The following COL4A6 variants were observed in gnomAD, a reference collection of about 807,000 sequenced individuals.
COL4A6 encodes collagen alpha-6(IV) chain.
Under a neutral mutation model 126.7 loss-of-function variants are expected in COL4A6, and 59 were observed. The observed-to-expected ratio is 0.47, with a 90% CI of 0.38 to 0.58. COL4A6 has a LOEUF of 0.58. Ranked by LOEUF, COL4A6 falls within the 20% of genes least tolerant of loss-of-function variation. The probability of loss-of-function intolerance (pLI) is 0.00; values close to 1 mark genes in which losing one functional copy is unlikely to be tolerated. For missense variants in COL4A6, 1,285 were observed against 1,337.3 expected, an observed-to-expected ratio of 0.96 and a Z score of 0.61; for synonymous variants, 547 against 496.6, an observed-to-expected ratio of 1.10 and a Z score of -1.35.
At chrX:108,370,853 C>G (rs1451116230) in intron 2 of COL4A6, among the ~76,000 whole-genome samples, 2 of 111,298 alleles carry the variant, frequency 1.8e-5, no homozygotes, top group Non-Finnish European at 1.9e-5. Flanking sequence ...TACATAATCA[C>G]CTGCAGACAC....
chrX:108,178,222 C>T (rs1407025080), intron 27 of COL4A6, among the ~76,000 whole-genome samples: 1 of 112,419 alleles, frequency 8.9e-6, no homozygotes. Flanking sequence ...GGCCCCACTG[C>T]TGAGTAAAAG....
intron 2 of COL4A6, among the ~76,000 whole-genome samples, chrX:108,421,962 T>C (rs2063988096): frequency 8.9e-6 from 1 of 112,607 alleles, no homozygotes; most frequent in Non-Finnish European, 1.9e-5. Context: ...AAATATTTCA[T>C]ACTAATTTTT....
At chrX:108,389,402 G>A (rs901833500) in intron 2 of COL4A6, among the ~76,000 whole-genome samples, 1 of 111,789 alleles carries the variant, frequency 8.9e-6, no homozygotes, top group Non-Finnish European at 1.9e-5. Flanking sequence ...GGATGCTCCC[G>A]TATTGGGTGC....
intron 3 of COL4A6, among the ~76,000 whole-genome samples, chrX:108,241,063 G>A (rs2036558772): frequency 9.0e-6 from 1 of 110,729 alleles, no homozygotes; most frequent in Non-Finnish European, 1.9e-5. Flanking sequence ...ACTTGGGTAT[G>A]TTAACTTTAC....
intron 13 of COL4A6, 35 bp from the exon 14 acceptor site, chrX:108,196,614 T>A: frequency 1.8e-6 from 2 of 1,109,946 alleles, no homozygotes; most frequent in Non-Finnish European, 1.2e-6. Context: ...TTATAACGTT[T>A]GTTTTCTTGT....
intron 44 of COL4A6, among the ~76,000 whole-genome samples, chrX:108,158,958 G>C (rs949528095): frequency 1.8e-5 from 2 of 112,536 alleles, no homozygotes; most frequent in Non-Finnish European, 3.8e-5. Context: ...CCGAAATGGA[G>C]AGGCAGCAAA....
Position 108,193,671 on chromosome X carries a change from T to C in COL4A6, c.1029A>G (p.Pro343=). Residue 343 remains proline, a synonymous_variant, in exon 17 of 45, where the codon CCA becomes CCG. Coordinates refer to ENST00000334504, the MANE Select transcript of COL4A6 (RefSeq NM_033641.4). ...IEGQKGDIGL[P]GPDVFIDIDG... is the part of the protein sequence containing the mutation. The stretch of plus-strand genomic sequence containing the variant: ...CTATATCGATGAAAACATCTGGGCC[T>C]GGCAGGCCAATGTCACCCTTTTGAC... 2 of 1,209,174 alleles carry C rather than the reference T, an allele frequency of 1.7e-6. No homozygotes were observed. The highest frequency in any genetic ancestry group is 1.8e-5 in the South Asian group (1 of 56,730).
At chrX:108,215,942 T>C (rs2035847191) in intron 5 of COL4A6, among the ~76,000 whole-genome samples, 1 of 111,526 alleles carries the variant, frequency 9.0e-6, no homozygotes, top group African/African-American at 3.3e-5. Flanking sequence ...TGATCACCAC[T>C]ATTATAAAAT....
rs185777707 is a variant in COL4A6, at chrX:108,172,536, C to G, written c.3139-4G>C. 1 of 1,197,430 alleles carries G rather than the reference C, an allele frequency of 8.4e-7. No homozygotes were observed. Among genetic ancestry groups the G allele is most frequent in the Non-Finnish European group, 1.1e-6 (1 of 885,962 alleles). The stretch of plus-strand genomic sequence containing the variant: ...ACCCTCTGATACCTTGTGAACCCTT[C>G]GAAGCAATATGGGAATCATCATTTC... On this transcript the variant is annotated splice_region_variant and splice_polypyrimidine_tract_variant and intron_variant, in intron 31 of 44. Transcript: ENST00000334504.
intron 30 of COL4A6, 50 bp from the exon 31 acceptor site, chrX:108,174,671 C>T: frequency 9.2e-7 from 1 of 1,088,563 alleles, no homozygotes; most frequent in South Asian, 2.3e-5. Flanking sequence ...CAAGAAAAAC[C>T]CAGCTTGCCA....
chrX:108,228,373 C>A (rs1305688370), intron 3 of COL4A6, among the ~76,000 whole-genome samples: 2 of 112,251 alleles, frequency 1.8e-5, no homozygotes, highest in African/African-American at 6.5e-5. Flanking sequence ...AAACACTTTT[C>A]ATCTCATGCT....
intron 2 of COL4A6, among the ~76,000 whole-genome samples, chrX:108,363,290 G>A (rs2040127479): frequency 9.0e-6 from 1 of 111,705 alleles, no homozygotes; most frequent in Non-Finnish European, 1.9e-5. Flanking sequence ...TGAATCAATT[G>A]GCATTCTACA....
chrX:108,438,167 C>T lies in COL4A6; in HGVS notation c.11+19G>A. 2 of 1,207,611 alleles carry T rather than the reference C, an allele frequency of 1.7e-6. No homozygotes were observed. The highest frequency in any genetic ancestry group is 2.2e-6 in the Non-Finnish European group (2 of 893,652). The stretch of plus-strand genomic sequence containing the variant: ...CGAAGTAAGAAAGAGGAGGGGAGCT[C>T]GGGGCAGCAACAGCTCACCCAGGGT... On this transcript the variant is annotated intron_variant, in intron 1 of 44. Transcript: ENST00000334504.
intron 2 of COL4A6, among the ~76,000 whole-genome samples, chrX:108,425,209 G>GAGAC (rs769846163): frequency 1.9e-5 from 2 of 107,552 alleles, no homozygotes; most frequent in Non-Finnish European, 3.8e-5. Context: ...GTGTGAGAGA[G>GAGAC]AGAGAGACAG....
intron 3 of COL4A6, among the ~76,000 whole-genome samples, chrX:108,276,837 C>G (rs1444220355): frequency 8.9e-6 from 1 of 112,235 alleles, no homozygotes; most frequent in Non-Finnish European, 1.9e-5. Flanking sequence ...CTGAGGATTT[C>G]AACCTTTAAT....
chrX:108,209,073 C>G (rs566572299), intron 8 of COL4A6, among the ~76,000 whole-genome samples: 3 of 112,007 alleles, frequency 2.7e-5, no homozygotes, highest in African/African-American at 9.7e-5. Context: ...AATTGTTTTG[C>G]CCTAGGGAAT....
chrX:108,246,016 C>G (rs1426668229), intron 3 of COL4A6, among the ~76,000 whole-genome samples: 2 of 111,666 alleles, frequency 1.8e-5, no homozygotes, highest in Non-Finnish European at 3.8e-5. Flanking sequence ...GCCCTGATTA[C>G]TTGGGTTCCT....
intron 3 of COL4A6, among the ~76,000 whole-genome samples, chrX:108,231,724 G>A (rs1307541817): frequency 5.3e-5 from 6 of 112,234 alleles, no homozygotes; most frequent in African/African-American, 1.6e-4. Flanking sequence ...AACAGGAGCA[G>A]TAAGAGCTAC....
At chrX:108,163,427 C>T (rs1373553226) in intron 40 of COL4A6, 1 of 128,339 alleles carries the variant, frequency 7.8e-6, no homozygotes, top group East Asian at 2.3e-4. Context: ...ACGCTTCTAA[C>T]CCCAGAGGTT....
Sources: allele counts gnomAD v4.1 joint callset (sites outside exome capture counted in the v4.1 genomes callset), GRCh38; gene constraint gnomAD v4.1.1; transcripts MANE v1.5; gene names NCBI Gene and HGNC (gene_info 2026-07-23, HGNC 2026-07-21).